Variants in MYO9B observed in about 807,000 individuals in gnomAD.
MYO9B encodes myosin IXB.
MYO9B carries 71 observed loss-of-function variants against 229.5 expected under a neutral mutation model. The observed-to-expected ratio is 0.31, with a 90% CI of 0.26 to 0.38. The LOEUF is 0.38. Ranked by LOEUF, MYO9B falls within the 10% of genes least tolerant of loss-of-function variation. The pLI is 1.00. For synonymous variants in MYO9B, 1,185 were observed against 1,235.8 expected, an observed-to-expected ratio of 0.96 and a Z score of 0.86; for missense variants, 2,255 against 2,920.5, an observed-to-expected ratio of 0.77 and a Z score of 5.25.
intron 2 of MYO9B, among the ~76,000 whole-genome samples, chr19:17,108,201 C>A (rs1240129032): frequency 6.6e-6 from 1 of 152,202 alleles, no homozygotes; most frequent in Non-Finnish European, 1.5e-5. Context: ...GCCTCAGCAG[C>A]GGGGGCTGGC....
rs572508878 is a variant in MYO9B, at chr19:17,124,240, C to T, written c.841-21157C>T. Among the ~76,000 whole-genome samples the T allele has an allele frequency of 2.6e-5, 4 of 152,198 alleles. No individual in the cohort carries two copies. The East Asian group carries it at 7.7e-4, about 29-fold the overall frequency. On this transcript the variant is annotated intron_variant, in intron 2 of 39. Coordinates refer to ENST00000682292, the MANE Select transcript of MYO9B (RefSeq NM_004145.4). ...AGGTGTGGTGGTACACACTTGTAAT[C>T]CCAGCTGTTGAGGAGGCTGAGGTAG...
intron 13 of MYO9B, among the ~76,000 whole-genome samples, chr19:17,174,910 G>GT (rs2072767292): frequency 6.6e-6 from 1 of 151,356 alleles, no homozygotes; most frequent in Admixed American, 6.6e-5. Context: ...CTCCAGCCCA[G>GT]GCGACAGTGC....
At chr19:17,175,846 T>A (rs2145378146) in intron 14 of MYO9B, 105 bp downstream of exon 14, 2 of 862,502 alleles carry the variant, frequency 2.3e-6, no homozygotes, top group Admixed American at 6.9e-5. Flanking sequence ...TTTTTTTTTC[T>A]TTTGAGATGG....
intron 2 of MYO9B, among the ~76,000 whole-genome samples, chr19:17,111,090 C>G (rs2057843733): frequency 6.6e-6 from 1 of 152,200 alleles, no homozygotes. Flanking sequence ...CTCAAGGACA[C>G]CTGCCTGGGC....
intron 19 of MYO9B, among the ~76,000 whole-genome samples, chr19:17,190,350 T>G: frequency 6.6e-6 from 1 of 150,942 alleles, no homozygotes; most frequent in Non-Finnish European, 1.5e-5. Context: ...CCTGCCACCA[T>G]TCCTGGCTAA....
At chr19:17,211,470 C>T (rs944297649) in intron 38 of MYO9B, among the ~76,000 whole-genome samples, 177 bp from the exon 39 acceptor site, 4 of 151,968 alleles carry the variant, frequency 2.6e-5, no homozygotes, top group African/African-American at 9.7e-5. Context: ...GAACAGGGTC[C>T]GCCTATGTTG....
In MYO9B at chr19:17,145,320, A is replaced by G; in HGVS notation, c.841-77A>G. 6 of 1,239,894 alleles carry G rather than the reference A, an allele frequency of 4.8e-6. No homozygotes were observed. In the South Asian group the frequency reaches 6.2e-5, roughly 13 times the overall value. The allele number at this position is 1,239,894 out of a possible 1,614,324, so 76.8% of individuals were successfully genotyped here. ...TGAACAATACAAAATATAAAAGCACAGTGTAAAATGAGAGGAAAAAAAAGA... is the reference window on the plus strand; with the variant it reads ...TGAACAATACAAAATATAAAAGCACGGTGTAAAATGAGAGGAAAAAAAAGA... On this transcript the variant is annotated intron_variant, in intron 2 of 39. Transcript: ENST00000682292.
intron 19 of MYO9B, among the ~76,000 whole-genome samples, chr19:17,188,794 A>G (rs547069678): frequency 1.6e-3 from 245 of 152,126 alleles, no homozygotes; most frequent in Non-Finnish European, 2.8e-3. Context: ...AGGAGGATCA[A>G]TTGAGCCTAG....
intron 1 of MYO9B, among the ~76,000 whole-genome samples, chr19:17,094,846 G>A (rs772426050): frequency 4.6e-5 from 7 of 152,148 alleles, no homozygotes; most frequent in African/African-American, 1.4e-4. Flanking sequence ...GGAGGCTGAG[G>A]TGAGAGGTTT....
intron 14 of MYO9B, among the ~76,000 whole-genome samples, chr19:17,178,980 G>A (rs1029232011): frequency 4.8e-5 from 7 of 145,814 alleles, no homozygotes; most frequent in Admixed American, 2.8e-4. Context: ...GCAGTGAGCC[G>A]AGATCACACC....
intron 2 of MYO9B, among the ~76,000 whole-genome samples, chr19:17,108,948 A>G (rs1259344613): frequency 6.6e-6 from 1 of 151,928 alleles, no homozygotes; most frequent in Non-Finnish European, 1.5e-5. Context: ...CCTGACCTCA[A>G]GTAATCTGCC....
chr19:17,106,031 C>G (rs2057789890), intron 2 of MYO9B, among the ~76,000 whole-genome samples: 1 of 143,360 alleles, frequency 7.0e-6, no homozygotes, highest in South Asian at 2.5e-4. Context: ...TTGTCAGGGT[C>G]TCTCTCCGTT....
chr19:17,161,987 CAAAAAAAA>C (rs71180369), intron 8 of MYO9B, among the ~76,000 whole-genome samples: 2 of 110,242 alleles, frequency 1.8e-5, no homozygotes, highest in Non-Finnish European at 3.7e-5. Flanking sequence ...GACCCTGTGT[CAAAAAAAA>C]AAAAAAAAAA....
chr19:17,153,836 G>C, intron 4 of MYO9B, 131 bp from the exon 5 acceptor site: 1 of 674,752 alleles, frequency 1.5e-6, no homozygotes, highest in African/African-American at 1.8e-5. Flanking sequence ...GACATAGTAA[G>C]AACTGACGTA....
Position 17,197,807 on chromosome 19 carries a change from C to G in MYO9B, c.4062C>G (p.Ser1354=). The stretch of plus-strand genomic sequence containing the variant: ...GATCTCGCAGGGAGAGGCGCACCTC[C>G]TTCTCCACGAGCGACGTCTCCAAGC... ...ALTPTEERRT[S]FSTSDVSKLL... Residue 1354 remains serine (S), a synonymous_variant, in exon 23 of 40, where the codon TCC becomes TCG. Coordinates refer to ENST00000682292, the MANE Select transcript of MYO9B (RefSeq NM_004145.4). 6.2e-7 allele frequency: 1 copy of G among 1,613,200 alleles called. No individual in the cohort carries two copies. Among genetic ancestry groups the G allele is most frequent in the Non-Finnish European group, 8.5e-7 (1 of 1,179,788 alleles).
Position 17,159,395 on chromosome 19 carries a change from G to T in MYO9B, c.1330G>T (p.Val444Leu). 1 of 1,602,458 alleles carries T rather than the reference G, an allele frequency of 6.2e-7. No homozygotes were observed. Among genetic ancestry groups the T allele is most frequent in the East Asian group, 2.2e-5 (1 of 44,496 alleles). The change falls in exon 8 of 40, where the codon GTG (valine) becomes TTG (leucine). Residue 444 changes from valine to leucine, a missense_variant and splice_region_variant. Coordinates refer to ENST00000682292, the MANE Select transcript of MYO9B (RefSeq NM_004145.4). ...CTCCCTCTCCTTGACCTCCAAACAGGTGAAGCGAGAAATCTTGGTGGAGGT... is the reference window on the plus strand; with the variant it reads ...CTCCCTCTCCTTGACCTCCAAACAGTTGAAGCGAGAAATCTTGGTGGAGGT... Reference protein sequence around the residue: ...VLDTLSQLLKVKREILVEVLT... With the variant: ...VLDTLSQLLKLKREILVEVLT...
intron 34 of MYO9B, 118 bp from the exon 35 acceptor site, chr19:17,206,995 T>C (rs1358854751): frequency 4.9e-6 from 7 of 1,418,800 alleles, no homozygotes; most frequent in Middle Eastern, 2.3e-4. Context: ...CTCCCAGTGC[T>C]GGGCTGTGGC....
intron 15 of MYO9B, among the ~76,000 whole-genome samples, 200 bp downstream of exon 15, chr19:17,181,240 C>CCGGCTTCCCAGCACACGGGG (rs2072857289): frequency 6.6e-6 from 1 of 152,250 alleles, no homozygotes; most frequent in African/African-American, 2.4e-5. Flanking sequence ...CCAGGCACAG[C>CCGGCTTCCCAGCACACGGGG]CGGCTTCCCA....
At chr19:17,092,497 G>A (rs1480620943) in intron 1 of MYO9B, among the ~76,000 whole-genome samples, 1 of 152,142 alleles carries the variant, frequency 6.6e-6, no homozygotes, top group African/African-American at 2.4e-5. Context: ...TGGGCGAGGC[G>A]GCTGGATCAC....
Sources: allele counts gnomAD v4.1 joint callset (sites outside exome capture counted in the v4.1 genomes callset), GRCh38; gene constraint gnomAD v4.1.1; transcripts MANE v1.5; gene names NCBI Gene and HGNC (gene_info 2026-07-23, HGNC 2026-07-21).